Variants in BORCS5 observed in about 807,000 individuals in gnomAD.
BORCS5 encodes BLOC-1-related complex subunit 5.
BORCS5 carries 17 observed loss-of-function variants against 22.1 expected under a neutral mutation model. That is an observed-to-expected ratio of 0.77 (90% confidence interval 0.53 to 1.15). The LOEUF is 1.15. BORCS5 is among the 50% of genes most tolerant of loss of function. The pLI, the probability that BORCS5 is intolerant of heterozygous loss-of-function variation, is 0.00. For synonymous variants in BORCS5, 117 were observed against 99.8 expected (o/e 1.17, Z -1.03); for missense variants, 247 against 253.2 (o/e 0.98, Z 0.17).
intron 2 of BORCS5, among the ~76,000 whole-genome samples, chr12:12,417,851 G>T (rs981700060): frequency 2.0e-5 from 3 of 151,766 alleles, no homozygotes; most frequent in African/African-American, 7.3e-5. Flanking sequence ...CATGTTGGCT[G>T]GGCTGGTCTC....
chr12:12,464,101 C>T (rs368356242), intron 3 of BORCS5, among the ~76,000 whole-genome samples: 63 of 152,340 alleles, frequency 4.1e-4, no homozygotes, highest in African/African-American at 1.4e-3. Flanking sequence ...CAGGACTCTC[C>T]TGGCTCACTA....
In BORCS5 at chr12:12,415,581, C is replaced by T. The variant is rs572283458; in HGVS notation, c.203-20047C>T. On this transcript the variant is annotated intron_variant, in intron 2 of 3. Coordinates refer to ENST00000314565, the MANE Select transcript of BORCS5 (RefSeq NM_058169.6). ...AGAGGGGGAGGGGGAGGGGGAGGGG[C>T]GATTTTGTGGTTTTCTTCCCTTTAG... Among the ~76,000 whole-genome samples the T allele has an allele frequency of 4.3e-3, 70 of 16,320 alleles. 2 individuals carry two copies. Among genetic ancestry groups the T allele is most frequent in the African/African-American group, 0.016 (63 of 3,902 alleles). 10.7% of individuals were successfully genotyped at this position (16,320 alleles called of 152,430 possible). A position where few individuals can be genotyped will look rare whatever the true frequency, so the allele number is the denominator to read the frequency against.
At chr12:12,438,764 C>T (rs575445211) in intron 3 of BORCS5, among the ~76,000 whole-genome samples, 2 of 152,288 alleles carry the variant, frequency 1.3e-5, no homozygotes, top group East Asian at 3.9e-4. Flanking sequence ...CTGCCACCCT[C>T]AACTGTATAT....
At chr12:12,419,707 T>G (rs1942064738) in intron 2 of BORCS5, among the ~76,000 whole-genome samples, 1 of 152,192 alleles carries the variant, frequency 6.6e-6, no homozygotes, top group African/African-American at 2.4e-5. Context: ...CCAGCACATG[T>G]TGTTTCATGA....
chr12:12,367,090 A>G (rs570170875), intron 2 of BORCS5, among the ~76,000 whole-genome samples: 141 of 152,216 alleles, frequency 9.3e-4, no homozygotes, highest in Non-Finnish European at 1.8e-3. Context: ...GGCTTTTCAT[A>G]GTGGAGCGAA....
At chr12:12,373,587 A>G (rs932456871) in intron 2 of BORCS5, among the ~76,000 whole-genome samples, 4 of 152,140 alleles carry the variant, frequency 2.6e-5, no homozygotes, top group Admixed American at 1.3e-4. Flanking sequence ...TTTTTAATCC[A>G]TATTTTTCTG....
intron 2 of BORCS5, among the ~76,000 whole-genome samples, chr12:12,425,734 A>T (rs1174756816): frequency 6.6e-6 from 1 of 152,162 alleles, no homozygotes; most frequent in Non-Finnish European, 1.5e-5. Flanking sequence ...CCTTCCTTAT[A>T]AATAACTCCT....
chr12:12,433,360 C>T (rs1476993052), intron 2 of BORCS5, among the ~76,000 whole-genome samples: 2 of 148,958 alleles, frequency 1.3e-5, no homozygotes, highest in African/African-American at 5.0e-5. Context: ...GAAATCTGCC[C>T]GGGTGCAGCG....
intron 2 of BORCS5, among the ~76,000 whole-genome samples, chr12:12,387,934 G>A (rs892152504): frequency 2.6e-5 from 4 of 151,336 alleles, no homozygotes; most frequent in South Asian, 2.1e-4. Context: ...TGTTTAACAC[G>A]ACAGAACCTA....
chr12:12,363,472 T>C (rs1470855326), intron 2 of BORCS5, among the ~76,000 whole-genome samples: 1 of 151,618 alleles, frequency 6.6e-6, no homozygotes, highest in East Asian at 1.9e-4. Context: ...CGCAGTGGCT[T>C]ACGCCTGTAA....
intron 2 of BORCS5, among the ~76,000 whole-genome samples, chr12:12,406,124 A>G (rs529815685): frequency 6.6e-6 from 1 of 152,378 alleles, no homozygotes; most frequent in Admixed American, 6.5e-5. Context: ...ACTTCATGGA[A>G]GGCCCTATTT....
At chr12:12,374,509 G>A (rs1288658197) in intron 2 of BORCS5, among the ~76,000 whole-genome samples, 1 of 151,454 alleles carries the variant, frequency 6.6e-6, no homozygotes, top group Non-Finnish European at 1.5e-5. Context: ...GTGTGGTGGT[G>A]TGCACCTGTA....
chr12:12,393,834 T>G (rs1234158277), intron 2 of BORCS5, among the ~76,000 whole-genome samples: 2 of 151,922 alleles, frequency 1.3e-5, no homozygotes, highest in Non-Finnish European at 2.9e-5. Context: ...GTCTCTATTT[T>G]TGAACATTAG....
intron 2 of BORCS5, among the ~76,000 whole-genome samples, chr12:12,370,740 C>A (rs1275002883): frequency 1.3e-5 from 2 of 151,992 alleles, no homozygotes; most frequent in African/African-American, 4.8e-5. Context: ...CATCTTCAAT[C>A]TAACTTCCTG....
chr12:12,422,336 G>A (rs1434342530), intron 2 of BORCS5, among the ~76,000 whole-genome samples: 1 of 151,810 alleles, frequency 6.6e-6, no homozygotes, highest in African/African-American at 2.4e-5. Context: ...GAAGGAGGCC[G>A]GATGCGGTGG....
At chr12:12,453,092 TGAA>T (rs1942941778) in intron 3 of BORCS5, among the ~76,000 whole-genome samples, 1 of 152,180 alleles carries the variant, frequency 6.6e-6, no homozygotes, top group South Asian at 2.1e-4. Flanking sequence ...AGAAAGGTCT[TGAA>T]GAAGGTGTCA....
At chr12:12,410,648 A>G (rs1241346914) in intron 2 of BORCS5, among the ~76,000 whole-genome samples, 1 of 152,156 alleles carries the variant, frequency 6.6e-6, no homozygotes, top group African/African-American at 2.4e-5. Context: ...TATAGTTTGA[A>G]GTCAGGTAGT....
chr12:12,450,555 G>T (rs567502387), intron 3 of BORCS5, among the ~76,000 whole-genome samples: 2 of 151,764 alleles, frequency 1.3e-5, no homozygotes, highest in African/African-American at 2.4e-5. Flanking sequence ...TTTCCATTCC[G>T]CTTGACAGCA....
intron 2 of BORCS5, among the ~76,000 whole-genome samples, chr12:12,370,973 TC>T (rs1215836843): frequency 6.6e-6 from 1 of 152,144 alleles, no homozygotes; most frequent in African/African-American, 2.4e-5. Flanking sequence ...GTGGTCTCGA[TC>T]TCCTGACCTT....
Sources: allele counts gnomAD v4.1 joint callset (sites outside exome capture counted in the v4.1 genomes callset), GRCh38; gene constraint gnomAD v4.1.1; transcripts MANE v1.5; gene names NCBI Gene and HGNC (gene_info 2026-07-23, HGNC 2026-07-21).